Variants in LGALS8 observed in about 807,000 individuals in gnomAD.
LGALS8 encodes galectin-8.
A neutral mutation model predicts 35.9 loss-of-function variants in LGALS8; 30 were observed. The observed-to-expected ratio is 0.83, with a 90% CI of 0.62 to 1.13. The LOEUF is 1.13. LGALS8 is among the 50% of genes most tolerant of loss of function. LGALS8 has a pLI of 0.00. For synonymous variants in LGALS8, 138 were observed against 136.1 expected (o/e 1.01, Z -0.10); for missense variants, 366 against 388.7 (o/e 0.94, Z 0.49).
At position 236,552,973 on chromosome 1, in the gene LGALS8, T is replaced by C. The variant is rs914423467; in HGVS notation, c.*4812T>C. 1 of 152,234 alleles carries C rather than the reference T, an allele frequency of 6.6e-6. No individual in the cohort carries two copies. Among genetic ancestry groups the C allele is most frequent in the African/African-American group, 2.4e-5 (1 of 41,460 alleles). The allele number at this position is 152,234 out of a possible 1,614,324, so 9.4% of individuals were successfully genotyped here. A position where few individuals can be genotyped will look rare whatever the true frequency, so the allele number is the denominator to read the frequency against. ...AAAGAATTTGAACTAATAAATCCTA[T>C]TAATAAAATTCTGCTTTGGTCTGTT... is the stretch of plus-strand genomic sequence containing the variant. On this transcript the variant is annotated 3_prime_UTR_variant, in exon 10 of 10. Coordinates refer to ENST00000366584, the MANE Select transcript of LGALS8 (RefSeq NM_201544.4).
chr1:236,533,582 C>T (rs959114470), intron 2 of LGALS8, among the ~76,000 whole-genome samples: 3 of 152,054 alleles, frequency 2.0e-5, no homozygotes, highest in Admixed American at 1.3e-4. Flanking sequence ...GATCTGCCCA[C>T]CTTCGCCTCC....
rs1662256205 is a variant in LGALS8, at chr1:236,544,754, A to G, written c.643A>G (p.Asn215Asp). The change falls in exon 9 of 10, where the codon AAT (asparagine) becomes GAT (aspartate). Residue 215 changes from asparagine to aspartate, a missense_variant. Coordinates refer to ENST00000366584, the MANE Select transcript of LGALS8 (RefSeq NM_201544.4). Reference protein sequence around the residue: ...GEVNANAKSFNVDLLAGKSKD... With the variant: ...GEVNANAKSFDVDLLAGKSKD... The stretch of plus-strand genomic sequence containing the variant: ...TTTTTCTTTCTTTCTCAAAAGCTTT[A>G]ATGTTGACCTACTAGCAGGAAAATC... 1.9e-6 allele frequency: 3 copies of G among 1,592,012 alleles called. No homozygotes were observed. In the South Asian group the frequency reaches 3.5e-5, roughly 18 times the overall value.
chr1:236,551,877 AG>A lies in LGALS8; in HGVS notation c.*3718del, dbSNP rs1662763264. On this transcript the variant is annotated 3_prime_UTR_variant, in exon 10 of 10. Transcript: ENST00000366584. ...ATTTGAGACTGGAGCTGCCTGTATGAGGACTGGATCAACTGCTAGTCACGTT... is the reference window on the plus strand; with the variant it reads ...ATTTGAGACTGGAGCTGCCTGTATGAGACTGGATCAACTGCTAGTCACGTT... 1.5e-6 allele frequency: 1 copy of A among 671,446 alleles called. No homozygotes were observed. Among genetic ancestry groups the A allele is most frequent in the Admixed American group, 2.4e-5 (1 of 41,002 alleles). 41.6% of individuals were successfully genotyped at this position (671,446 alleles called of 1,614,324 possible).
At chr1:236,536,396 T>A (rs1228754175) in intron 2 of LGALS8, 16 of 152,202 alleles carry the variant, frequency 1.1e-4, no homozygotes, top group Admixed American at 1.0e-3. Context: ...GAAGACAGTG[T>A]AGTCATCTCT....
intron 6 of LGALS8, chr1:236,542,351 G>A (rs750091430): frequency 1.2e-4 from 24 of 208,236 alleles, no homozygotes; most frequent in African/African-American, 3.0e-4. Flanking sequence ...GCATGGTGGC[G>A]CATGGCTGTG....
chr1:236,536,988 T>C (rs538925291), intron 2 of LGALS8, among the ~76,000 whole-genome samples: 1 of 151,726 alleles, frequency 6.6e-6, no homozygotes, highest in South Asian at 2.1e-4. Flanking sequence ...TTTGCAGCTA[T>C]TGCAGATATC....
chr1:236,519,988 A>C, upstream of LGALS8, among the ~76,000 whole-genome samples: 2 of 112,000 alleles, frequency 1.8e-5, no homozygotes, highest in African/African-American at 3.6e-5. Flanking sequence ...ACACAGTTTC[A>C]CTCTGTTGCC....
intron 1 of LGALS8, chr1:236,524,716 G>T (rs574737063): frequency 5.7e-4 from 176 of 309,506 alleles, no homozygotes; most frequent in South Asian, 4.7e-3. Flanking sequence ...CTTAAATTGG[G>T]TCACTGGCTT....
At position 236,551,157 on chromosome 1, in the gene LGALS8, A is replaced by G. The variant is rs1411378039; in HGVS notation, c.*2996A>G. ...GAGGCGCCACGGACCGCCTCCCTCC[A>G]CACCGCTCCTTCCGCCTTCATTCCT... is the stretch of plus-strand genomic sequence containing the variant. On this transcript the variant is annotated 3_prime_UTR_variant, in exon 10 of 10. Transcript: ENST00000366584. 1 of 577,290 alleles carries G rather than the reference A, an allele frequency of 1.7e-6. No individual in the cohort carries two copies. Among genetic ancestry groups the G allele is most frequent in the African/African-American group, 1.9e-5 (1 of 53,078 alleles). The allele number at this position is 577,290 out of a possible 1,614,324, so 35.8% of individuals were successfully genotyped here. A position where few individuals can be genotyped will look rare whatever the true frequency, so the allele number is the denominator to read the frequency against.
rs905795008 is a variant in LGALS8, at chr1:236,542,876, A to G, written c.549+89A>G. The G allele has an allele frequency of 4.3e-6, 7 of 1,614,062 alleles. No individual in the cohort carries two copies. The Admixed American group carries it at 1.2e-4, about 27-fold the overall frequency. ...AGTTTAAACCGTGGAGGGCAGCTTC[A>G]TTCATTCCATTCCTTACTGTAGAAC... On this transcript the variant is annotated intron_variant, in intron 7 of 9. Coordinates refer to ENST00000366584, the MANE Select transcript of LGALS8 (RefSeq NM_201544.4).
At chr1:236,531,017 G>A (rs143010376) in intron 2 of LGALS8, among the ~76,000 whole-genome samples, 75 of 152,064 alleles carry the variant, frequency 4.9e-4, no homozygotes, top group African/African-American at 1.8e-3. Context: ...GTCTCTTTAC[G>A]TGCATGCATT....
chr1:236,551,966 T>C lies in LGALS8; in HGVS notation c.*3805T>C, dbSNP rs1176386181. The C allele has an allele frequency of 2.2e-6, 3 of 1,348,656 alleles. No individual in the cohort carries two copies. The highest frequency in any genetic ancestry group is 2.3e-5 in the East Asian group (1 of 43,568). 83.5% of individuals were successfully genotyped at this position (1,348,656 alleles called of 1,614,324 possible). On this transcript the variant is annotated 3_prime_UTR_variant, in exon 10 of 10. Transcript: ENST00000366584. The stretch of plus-strand genomic sequence containing the variant: ...AGAATTTTACTGAATTATTCCTTAA[T>C]TGTTTAATGGTTGGGAATAGTTTGG...
chr1:236,542,580 T>C (rs539799154), intron 6 of LGALS8, 181 bp from the exon 7 acceptor site: 2 of 646,530 alleles, frequency 3.1e-6, no homozygotes, highest in Admixed American at 5.0e-5. Context: ...TCAACCCGTG[T>C]AGCCCTTCAC....
chr1:236,548,070 T>G lies in LGALS8; in HGVS notation c.863T>G (p.Leu288Arg). The part of the protein sequence containing the change: ...FKVAVNGVHS[L>R]EYKHRFKELS... ...GTTGCAGTAAATGGCGTACACAGCC[T>G]GGAGTACAAACACAGATTTAAAGAG... The change falls in exon 10 of 10, where the codon CTG becomes CGG. Residue 288 changes from leucine to arginine, a missense_variant. Leu to Arg is a moderately radical substitution (Grantham distance 102, BLOSUM62 -2). Coordinates refer to ENST00000366584, the MANE Select transcript of LGALS8 (RefSeq NM_201544.4). 6.2e-7 allele frequency: 1 copy of G among 1,613,194 alleles called. No individual in the cohort carries two copies. The highest frequency in any genetic ancestry group is 8.5e-7 in the Non-Finnish European group (1 of 1,179,112).
At chr1:236,522,550 G>A (rs766707454), upstream of LGALS8, among the ~76,000 whole-genome samples, 5 of 152,208 alleles carry the variant, frequency 3.3e-5, no homozygotes, top group African/African-American at 9.7e-5. Context: ...TCAAAGTGGC[G>A]GGGCTGGGGG....
At position 236,549,894 on chromosome 1, in the gene LGALS8, T is replaced by C. The variant is rs1458678403; in HGVS notation, c.*1733T>C. On this transcript the variant is annotated 3_prime_UTR_variant, in exon 10 of 10. Transcript: ENST00000366584. ...GACATTTCTTAGAAATATGCACTTCTATACTAGCAAGCTCTGTCTCTAAAA... is the reference window on the plus strand; with the variant it reads ...GACATTTCTTAGAAATATGCACTTCCATACTAGCAAGCTCTGTCTCTAAAA... The C allele has an allele frequency of 6.6e-6, 1 of 152,258 alleles. No homozygotes were observed. Among genetic ancestry groups the C allele is most frequent in the Non-Finnish European group, 1.5e-5 (1 of 68,046 alleles). The allele number at this position is 152,258 out of a possible 1,614,324, so 9.4% of individuals were successfully genotyped here. A position where few individuals can be genotyped will look rare whatever the true frequency, so the allele number is the denominator to read the frequency against.
At chr1:236,532,382 T>C (rs926745178) in intron 2 of LGALS8, among the ~76,000 whole-genome samples, 5 of 152,212 alleles carry the variant, frequency 3.3e-5, no homozygotes, top group African/African-American at 1.2e-4. Flanking sequence ...TTTATCTACT[T>C]TGATATCTTT....
chr1:236,537,258 T>G (rs1014731481), intron 2 of LGALS8, among the ~76,000 whole-genome samples: 9 of 152,006 alleles, frequency 5.9e-5, no homozygotes, highest in Non-Finnish European at 1.3e-4. Flanking sequence ...CTCGTGATCC[T>G]CCCGCCTCGG....
chr1:236,533,057 T>C (rs1394543373), intron 2 of LGALS8, among the ~76,000 whole-genome samples: 1 of 152,170 alleles, frequency 6.6e-6, no homozygotes, highest in Non-Finnish European at 1.5e-5. Flanking sequence ...ACCTCTGGCT[T>C]ATTTCACCCC....
Sources: allele counts gnomAD v4.1 joint callset (sites outside exome capture counted in the v4.1 genomes callset), GRCh38; gene constraint gnomAD v4.1.1; transcripts MANE v1.5; gene names NCBI Gene and HGNC (gene_info 2026-07-23, HGNC 2026-07-21).